Variants in COL24A1 observed in about 807,000 individuals in gnomAD.
The protein encoded by COL24A1 is collagen type XXIV alpha 1 chain.
In COL24A1, 224 loss-of-function variants were observed where a neutral mutation model predicts 253.9. That is an observed-to-expected ratio of 0.88 (90% CI 0.79 to 0.99). The LOEUF (loss-of-function observed/expected upper bound fraction) is 0.99, where lower values mean the gene tolerates loss of function less well. COL24A1 is among the 50% of genes least tolerant of loss of function. The pLI is 0.00. For missense variants in COL24A1, 2,131 were observed against 2,068.5 expected (o/e 1.03, Z -0.59); for synonymous variants, 685 against 673.7 (o/e 1.02, Z -0.26).
At chr1:85,760,227 C>A (rs1666716284) in intron 55 of COL24A1, among the ~76,000 whole-genome samples, 1 of 151,908 alleles carries the variant, frequency 6.6e-6, no homozygotes, top group African/African-American at 2.4e-5. Context: ...CATGTGCCAC[C>A]ATGCCTGGGG....
At chr1:85,903,923 T>C (rs1050029813) in intron 28 of COL24A1, among the ~76,000 whole-genome samples, 1 of 152,204 alleles carries the variant, frequency 6.6e-6, no homozygotes, top group African/African-American at 2.4e-5. Context: ...CTATTCTTGT[T>C]ATAAACTATT....
chr1:85,964,942 T>G, intron 23 of COL24A1, 67 bp downstream of exon 23: 1 of 1,390,788 alleles, frequency 7.2e-7, no homozygotes, highest in East Asian at 2.3e-5. Context: ...CACATTTGTA[T>G]GAAAGTCATA....
chr1:86,071,674 G>T (rs1318336674), intron 7 of COL24A1, among the ~76,000 whole-genome samples: 3 of 152,088 alleles, frequency 2.0e-5, no homozygotes, highest in Non-Finnish European at 4.4e-5. Context: ...TAACAAAGGG[G>T]TCAATTCAGT....
At chr1:85,987,284 G>T (rs1217619827) in intron 20 of COL24A1, among the ~76,000 whole-genome samples, 1 of 151,622 alleles carries the variant, frequency 6.6e-6, no homozygotes, top group African/African-American at 2.4e-5. Flanking sequence ...TTTTTTTAGT[G>T]GTCAGGGAAT....
intron 14 of COL24A1, among the ~76,000 whole-genome samples, chr1:86,023,748 C>A (rs139885873): frequency 1.2e-3 from 178 of 151,812 alleles, no homozygotes; most frequent in African/African-American, 4.0e-3. Flanking sequence ...TCTTAGAAGA[C>A]AAAGGGCAAT....
intron 2 of COL24A1, among the ~76,000 whole-genome samples, chr1:86,139,293 C>A (rs1397273862): frequency 4.6e-5 from 7 of 151,940 alleles, no homozygotes; most frequent in African/African-American, 1.7e-4. Context: ...GACTCATAAC[C>A]AAGTCTTTGA....
chr1:85,744,953 C>G, intron 56 of COL24A1, 119 bp from the exon 57 acceptor site: 2 of 712,318 alleles, frequency 2.8e-6, no homozygotes, highest in Non-Finnish European at 4.6e-6. Context: ...ATGTAAAGAA[C>G]AGTTTATATT....
At chr1:85,789,970 T>C (rs1393730082) in intron 47 of COL24A1, among the ~76,000 whole-genome samples, 2 of 152,192 alleles carry the variant, frequency 1.3e-5, no homozygotes, top group East Asian at 3.8e-4. Context: ...TTATTGAGGA[T>C]TTTGCATTGA....
At chr1:85,828,646 C>G (rs1031834549) in intron 43 of COL24A1, among the ~76,000 whole-genome samples, 11 of 139,952 alleles carry the variant, frequency 7.9e-5, no homozygotes, top group African/African-American at 2.9e-4. Flanking sequence ...GTTAGCTCTT[C>G]TTGTTGAATT....
chr1:85,778,117 T>A (rs547135205), intron 52 of COL24A1, among the ~76,000 whole-genome samples: 1 of 152,074 alleles, frequency 6.6e-6, no homozygotes, highest in Non-Finnish European at 1.5e-5. Flanking sequence ...GATAGGTAGA[T>A]AATTTTTTAT....
chr1:85,989,760 G>T (rs1290091394), intron 19 of COL24A1, among the ~76,000 whole-genome samples: 9 of 152,012 alleles, frequency 5.9e-5, no homozygotes, highest in Admixed American at 5.2e-4. Context: ...TCAATTCTGG[G>T]CTTTTGCATA....
In COL24A1 at chr1:85,734,485, G is replaced by T. The variant is rs552511062; in HGVS notation, c.4998+264C>A. Among the ~76,000 whole-genome samples, 3 of 152,064 alleles carry T rather than the reference G, an allele frequency of 2.0e-5. No homozygotes were observed. In the South Asian group the frequency reaches 6.2e-4, roughly 32 times the overall value. On this transcript the variant is annotated intron_variant, in intron 59 of 59. Coordinates refer to ENST00000370571, the MANE Select transcript of COL24A1 (RefSeq NM_152890.7). Reference sequence around the variant, plus strand: ...CATCCTGGTATAATTATTTCATATAGGGAATAAAAATTAAATTTACATCTT... The same window carrying T: ...CATCCTGGTATAATTATTTCATATATGGAATAAAAATTAAATTTACATCTT...
intron 22 of COL24A1, among the ~76,000 whole-genome samples, chr1:85,966,758 G>A (rs561692045): frequency 2.6e-5 from 4 of 152,166 alleles, no homozygotes; most frequent in East Asian, 1.9e-4. Context: ...ACCACTGATC[G>A]TATTTATCAG....
At chr1:86,018,602 A>G (rs1697210251) in intron 18 of COL24A1, among the ~76,000 whole-genome samples, 1 of 152,230 alleles carries the variant, frequency 6.6e-6, no homozygotes, top group Non-Finnish European at 1.5e-5. Context: ...CACATATTTA[A>G]AAACAGAAAT....
chr1:85,854,969 C>G (rs1038845603), intron 37 of COL24A1, among the ~76,000 whole-genome samples: 6 of 151,984 alleles, frequency 3.9e-5, no homozygotes, highest in Non-Finnish European at 8.8e-5. Context: ...CCCAAATATT[C>G]CTAGGTATTT....
chr1:86,060,932 G>GCC (rs1701043207), intron 8 of COL24A1, among the ~76,000 whole-genome samples: 1 of 151,452 alleles, frequency 6.6e-6, no homozygotes, highest in Non-Finnish European at 1.5e-5. Flanking sequence ...CATTTATTGA[G>GCC]CACTTATCAT....
chr1:85,906,262 G>GTTTTTTTTTTTTTTTTTTTTTT (rs1438385660), intron 28 of COL24A1, among the ~76,000 whole-genome samples: 7 of 14,026 alleles, frequency 5.0e-4, no homozygotes, highest in African/African-American at 8.5e-4. Context: ...AAACTGCAAG[G>GTTTTTTTTTTTTTTTTTTTTTT]TCTTTTTTTT....
intron 2 of COL24A1, among the ~76,000 whole-genome samples, chr1:86,140,578 G>A (rs1361032538): frequency 1.3e-5 from 2 of 152,128 alleles, no homozygotes; most frequent in Non-Finnish European, 1.5e-5. Flanking sequence ...GAAATTCTTC[G>A]AGATGAATAT....
At chr1:85,905,124 C>T (rs1421498040) in intron 28 of COL24A1, among the ~76,000 whole-genome samples, 1 of 152,062 alleles carries the variant, frequency 6.6e-6, no homozygotes, top group Non-Finnish European at 1.5e-5. Context: ...GTACTTAGGG[C>T]AGAGCTTCCC....
Sources: gnomAD v4.1 joint callset for allele counts (sites outside exome capture counted in the v4.1 genomes callset) on GRCh38, gnomAD v4.1.1 for gene constraint, MANE v1.5 for transcripts, NCBI Gene and HGNC (gene_info 2026-07-23, HGNC 2026-07-21) for gene names.